SLC28A3: variants seen among roughly 807,000 people sequenced by gnomAD.
SLC28A3 encodes the protein solute carrier family 28 member 3, also known as concentrative Na(+)-nucleoside cotransporter 3.
SLC28A3 carries 68 observed loss-of-function variants against 84.2 expected under a neutral mutation model. That is an observed-to-expected ratio of 0.81 (90% confidence interval 0.66 to 0.99). The LOEUF is 0.99. Ranked by LOEUF, SLC28A3 falls within the 50% of genes least tolerant of loss-of-function variation. The probability of loss-of-function intolerance (pLI) is 0.00; values close to 1 mark genes in which losing one functional copy is unlikely to be tolerated. For synonymous variants in SLC28A3, 267 were observed against 303.6 expected (o/e 0.88, Z 1.25); for missense variants, 712 against 841.5 (o/e 0.85, Z 1.90).
At chr9:84,309,547 AAGAAATC>A in intron 3 of SLC28A3, 75 bp downstream of exon 3, 1 of 790,086 alleles carries the variant, frequency 1.3e-6, no homozygotes, top group Non-Finnish European at 1.9e-6. Context: ...AAAAAAAAAA[AAGAAATC>A]AAATGGGGAT....
At chr9:84,302,460 T>C (rs1449109718) in intron 4 of SLC28A3, 71 bp from the exon 5 acceptor site, 1 of 1,507,170 alleles carries the variant, frequency 6.6e-7, no homozygotes, top group Non-Finnish European at 9.0e-7. Context: ...TCCAGCCTTG[T>C]TCTGGCGCAG....
At chr9:84,351,521 T>C in the SLC28A3 span, among the ~76,000 whole-genome samples, 8 of 152,024 alleles carry the variant, frequency 5.3e-5, no homozygotes, top group Non-Finnish European at 7.4e-5. Context: ...TAGTTGGGCA[T>C]GGTGGCATGC....
At chr9:84,328,670 A>G (rs1826664443) in intron 1 of SLC28A3, among the ~76,000 whole-genome samples, 1 of 152,166 alleles carries the variant, frequency 6.6e-6, no homozygotes, top group Admixed American at 6.5e-5. Context: ...GAGACAGGAG[A>G]ATTGCTTAAA....
At chr9:84,328,826 G>C (rs955972292) in intron 1 of SLC28A3, among the ~76,000 whole-genome samples, 1 of 152,156 alleles carries the variant, frequency 6.6e-6, no homozygotes, top group Non-Finnish European at 1.5e-5. Context: ...TACTCAGGAG[G>C]CTGAGGTGAG....
the SLC28A3 span, among the ~76,000 whole-genome samples, chr9:84,345,976 C>A: frequency 6.6e-6 from 1 of 152,168 alleles, no homozygotes; most frequent in African/African-American, 2.4e-5. Context: ...AAGGCCTTTT[C>A]AGTTTTACAA....
intron 3 of SLC28A3, among the ~76,000 whole-genome samples, chr9:84,307,159 G>A (rs919479274): frequency 4.0e-5 from 6 of 148,902 alleles, no homozygotes; most frequent in Admixed American, 6.7e-5. Context: ...GGCCAGGCGC[G>A]GTGGCTCAAG....
intron 1 of SLC28A3, among the ~76,000 whole-genome samples, chr9:84,324,301 A>G (rs2118529878): frequency 6.6e-6 from 1 of 152,318 alleles, no homozygotes; most frequent in African/African-American, 2.4e-5. Flanking sequence ...TTTCCGAACA[A>G]TGGAGTTTGG....
intron 15 of SLC28A3, among the ~76,000 whole-genome samples, chr9:84,280,301 AG>A (rs1824695493): frequency 6.6e-6 from 1 of 152,194 alleles, no homozygotes. Context: ...AAAGGCTCAA[AG>A]GCTCATTCTC....
intron 14 of SLC28A3, among the ~76,000 whole-genome samples, 200 bp from the exon 15 acceptor site, chr9:84,281,082 G>A (rs2118045799): frequency 6.6e-6 from 1 of 152,202 alleles, no homozygotes; most frequent in African/African-American, 2.4e-5. Context: ...GGGGCTGTGT[G>A]GACTCAGTGA....
chr9:84,353,124 A>T, the SLC28A3 span, among the ~76,000 whole-genome samples: 1 of 152,162 alleles, frequency 6.6e-6, no homozygotes, highest in Non-Finnish European at 1.5e-5. Flanking sequence ...AAATTTAAAG[A>T]TTATCAATGT....
chr9:84,275,490 C>T lies in SLC28A3; in HGVS notation c.*2728G>A, dbSNP rs1257392277. 6.6e-6 allele frequency: 1 copy of T among 152,308 alleles called. No homozygotes were observed. Among genetic ancestry groups the T allele is most frequent in the Non-Finnish European group, 1.5e-5 (1 of 68,146 alleles). 9.4% of individuals were successfully genotyped at this position (152,308 alleles called of 1,614,324 possible). On this transcript the variant is annotated 3_prime_UTR_variant, in exon 18 of 18. Coordinates refer to ENST00000376238, the MANE Select transcript of SLC28A3 (RefSeq NM_001199633.2). ...GCACAGACCAACAGCAACAATCTGT[C>T]AACAGTGAGCGGGCTCAAACAGCTG...
At chr9:84,353,781 C>T in the SLC28A3 span, among the ~76,000 whole-genome samples, 1 of 152,182 alleles carries the variant, frequency 6.6e-6, no homozygotes, top group Non-Finnish European at 1.5e-5. Flanking sequence ...ATCACAAATA[C>T]ACCAAACTAT....
intron 8 of SLC28A3, among the ~76,000 whole-genome samples, chr9:84,295,192 C>A (rs1825368230): frequency 6.6e-6 from 1 of 152,166 alleles, no homozygotes; most frequent in Non-Finnish European, 1.5e-5. Flanking sequence ...AACATTCATT[C>A]TTCTAGCTTT....
Position 84,279,361 on chromosome 9 carries a change from T to A in SLC28A3, c.1853A>T (p.Asp618Val). ...CTCTAAAACGTGATGGCAGTTGATG[T>A]CCACAGGAGTGCTGGAGAGTATGCC... ...IAGILSSTPV[D>V]INCHHVLENA... The change falls in exon 17 of 18, where the codon GAC (aspartate) becomes GTC (valine). Residue 618 changes from aspartate to valine, a missense_variant. Coordinates refer to ENST00000376238, the MANE Select transcript of SLC28A3 (RefSeq NM_001199633.2). 1 of 1,610,598 alleles carries A rather than the reference T, an allele frequency of 6.2e-7. No homozygotes were observed.
chr9:84,321,183 T>C (rs892685650), intron 1 of SLC28A3, among the ~76,000 whole-genome samples: 1 of 151,984 alleles, frequency 6.6e-6, no homozygotes, highest in African/African-American at 2.4e-5. Flanking sequence ...TTCCAGTAGA[T>C]GAGAAAGAAG....
At chr9:84,287,790 G>A (rs918056533) in intron 12 of SLC28A3, among the ~76,000 whole-genome samples, 1 of 152,096 alleles carries the variant, frequency 6.6e-6, no homozygotes, top group Admixed American at 6.5e-5. Context: ...GGATGTTGAG[G>A]CTGCAGTGAG....
upstream of SLC28A3, among the ~76,000 whole-genome samples, chr9:84,341,391 G>A (rs1401854871): frequency 1.3e-5 from 2 of 152,066 alleles, no homozygotes; most frequent in African/African-American, 2.4e-5. Context: ...AGGTCATGCC[G>A]CCCTCAGTGA....
intron 1 of SLC28A3, among the ~76,000 whole-genome samples, chr9:84,316,916 G>A (rs770126509): frequency 5.9e-5 from 9 of 152,018 alleles, no homozygotes; most frequent in African/African-American, 1.7e-4. Context: ...CAGAAGAATC[G>A]CTTGAACCAG....
the SLC28A3 span, among the ~76,000 whole-genome samples, chr9:84,364,495 T>G: frequency 6.6e-6 from 1 of 152,202 alleles, no homozygotes; most frequent in Non-Finnish European, 1.5e-5. Flanking sequence ...AGTGTTGGGA[T>G]TACAGGTGTG....
Sources: gnomAD v4.1 joint callset for allele counts (sites outside exome capture counted in the v4.1 genomes callset) on GRCh38, gnomAD v4.1.1 for gene constraint, MANE v1.5 for transcripts, NCBI Gene and HGNC (gene_info 2026-07-23, HGNC 2026-07-21) for gene names.